ZNF782: variants seen among roughly 807,000 people sequenced by gnomAD.
The protein encoded by ZNF782 is zinc finger protein 782.
In ZNF782, 12 loss-of-function variants were observed where a neutral mutation model predicts 13.0. That is an observed-to-expected ratio of 0.92 (90% CI 0.59 to 1.50). ZNF782 has a LOEUF of 1.50. Among genes scored for constraint, ZNF782 ranks in the 40% most tolerant of loss-of-function variants. The pLI is 0.00. For synonymous variants in ZNF782, 284 were observed against 283.0 expected (o/e 1.00, Z -0.04); for missense variants, 770 against 822.9 (o/e 0.94, Z 0.79).
the ZNF782 span, among the ~76,000 whole-genome samples, chr9:96,908,240 G>A: frequency 6.6e-6 from 1 of 151,704 alleles, no homozygotes; most frequent in Non-Finnish European, 1.5e-5. Flanking sequence ...TGCAATCATG[G>A]CTCGCTGCAG....
Position 96,817,802 on chromosome 9 carries a change from G to A in ZNF782, c.*121C>T. The A allele has an allele frequency of 1.2e-6, 1 of 856,514 alleles. No individual in the cohort carries two copies. Among genetic ancestry groups the A allele is most frequent in the Non-Finnish European group, 1.7e-6 (1 of 582,592 alleles). 53.1% of individuals were successfully genotyped at this position (856,514 alleles called of 1,614,324 possible). On this transcript the variant is annotated 3_prime_UTR_variant, in exon 6 of 6. Transcript: ENST00000481138. ...TATTCTTTGATATTTGGTGGAGGCT[G>A]AAATTGTAGAGGAAATTCCAGTGCT...
intron 3 of ZNF782, among the ~76,000 whole-genome samples, chr9:96,848,838 C>T (rs946433879): frequency 2.6e-5 from 4 of 151,974 alleles, no homozygotes; most frequent in Admixed American, 6.6e-5. Context: ...AAAATTCATA[C>T]GGAATAAAAA....
chr9:96,846,934 T>C (rs534767158), intron 3 of ZNF782, among the ~76,000 whole-genome samples: 2 of 152,294 alleles, frequency 1.3e-5, no homozygotes, highest in African/African-American at 4.8e-5. Context: ...GATCATATGA[T>C]AGGCCACAAA....
intron 5 of ZNF782, among the ~76,000 whole-genome samples, chr9:96,825,158 C>G (rs1211215004): frequency 6.6e-6 from 1 of 152,044 alleles, no homozygotes; most frequent in Non-Finnish European, 1.5e-5. Flanking sequence ...TCAAACCATA[C>G]TACAAGGCTA....
At chr9:96,927,047 G>A in the ZNF782 span, among the ~76,000 whole-genome samples, 1 of 152,188 alleles carries the variant, frequency 6.6e-6, no homozygotes, top group South Asian at 2.1e-4. Flanking sequence ...CAGAACATGA[G>A]TGCTCTTTCC....
the ZNF782 span, among the ~76,000 whole-genome samples, chr9:96,912,625 T>G: frequency 1.3e-5 from 2 of 151,472 alleles, no homozygotes; most frequent in Non-Finnish European, 3.0e-5. Context: ...ACTTCCCGGG[T>G]TCAAGCGATT....
the ZNF782 span, chr9:96,933,538 T>C: frequency 2.0e-5 from 3 of 151,682 alleles, no homozygotes; most frequent in African/African-American, 7.3e-5. Flanking sequence ...GCCCGGCTAA[T>C]TTTTTTGTAT....
At chr9:96,885,813 C>CCCTT in the ZNF782 span, among the ~76,000 whole-genome samples, 5 of 151,382 alleles carry the variant, frequency 3.3e-5, no homozygotes, top group African/African-American at 4.9e-5. Context: ...TCCTTCCTTC[C>CCCTT]CCTTCCTTCC....
chr9:96,931,827 C>T, the ZNF782 span: 4 of 1,612,176 alleles, frequency 2.5e-6, no homozygotes, highest in Non-Finnish European at 3.4e-6. Context: ...ACACACAGGC[C>T]GCCCCTCGTG....
At chr9:96,855,111 T>C (rs1204094379), upstream of ZNF782, among the ~76,000 whole-genome samples, 1 of 152,238 alleles carries the variant, frequency 6.6e-6, no homozygotes, top group African/African-American at 2.4e-5. Context: ...AGCCCGGTGC[T>C]GCAGGTGTTA....
rs760483796 is a variant in ZNF782 at position 96,818,917 on chromosome 9, TTA to T, written c.1104_1105del (p.Tyr368Ter). 5.0e-6 allele frequency: 8 copies of T among 1,614,218 alleles called. No homozygotes were observed. In the South Asian group the frequency reaches 8.8e-5, roughly 18 times the overall value. ...CATAGAGCAGGATTTCCCACATTCA[TTA>T]TACTCATAGGGTTTTGCCCTTATGT... is the stretch of plus-strand genomic sequence containing the variant. On this transcript the variant is annotated stop_gained and frameshift_variant, in exon 6 of 6. Coordinates refer to ENST00000481138, the MANE Select transcript of ZNF782 (RefSeq NM_001001662.3). LOFTEE classifies it low-confidence loss of function (END_TRUNC).
intron 1 of ZNF782, among the ~76,000 whole-genome samples, chr9:96,865,061 A>C (rs549024330): frequency 6.6e-6 from 1 of 152,264 alleles, no homozygotes; most frequent in African/African-American, 2.4e-5. Context: ...ATTTAAAAAA[A>C]AAATGAGAAA....
At chr9:96,903,426 C>T in the ZNF782 span, among the ~76,000 whole-genome samples, 25 of 151,566 alleles carry the variant, frequency 1.6e-4, no homozygotes, top group Middle Eastern at 3.2e-3. Context: ...CCAAAGATTA[C>T]TTACTCATTT....
At chr9:96,908,487 A>G in the ZNF782 span, among the ~76,000 whole-genome samples, 10 of 151,992 alleles carry the variant, frequency 6.6e-5, no homozygotes, top group African/African-American at 2.4e-4. Context: ...AAAAAAATTA[A>G]TTTGAGCACA....
At chr9:96,885,150 G>GA in the ZNF782 span, among the ~76,000 whole-genome samples, 1 of 150,474 alleles carries the variant, frequency 6.6e-6, no homozygotes, top group Non-Finnish European at 1.5e-5. Context: ...ACAGAAACAA[G>GA]AAAAAAATAA....
At chr9:96,900,123 T>C in the ZNF782 span, among the ~76,000 whole-genome samples, 17 of 151,770 alleles carry the variant, frequency 1.1e-4, no homozygotes, top group South Asian at 2.1e-4. Flanking sequence ...CCAGATCAGA[T>C]TGTCCTATTT....
rs79645305 is a variant in ZNF782, at chr9:96,872,938, A to G, written c.-457+2530T>C. On this transcript the variant is annotated intron_variant, in intron 1 of 5. Transcript: ENST00000498811. ...GAACAAGGGTGTTTGAGGTTTTCAAACAGTTACACAGAAAAAAAGTGGAAG... is the reference window on the plus strand; with the variant it reads ...GAACAAGGGTGTTTGAGGTTTTCAAGCAGTTACACAGAAAAAAAGTGGAAG... Among the ~76,000 whole-genome samples, 160 of 152,344 alleles carry G rather than the reference A, an allele frequency of 1.1e-3. 1 individual carries two copies. In the East Asian group the frequency reaches 0.029, roughly 28 times the overall value.
chr9:96,833,552 T>C (rs1850878094), intron 4 of ZNF782, among the ~76,000 whole-genome samples: 1 of 152,188 alleles, frequency 6.6e-6, no homozygotes, highest in Non-Finnish European at 1.5e-5. Flanking sequence ...TGTCTACCAT[T>C]CTCATCACAT....
At position 96,818,173 on chromosome 9, in the gene ZNF782, G is replaced by A; in HGVS notation, c.1850C>T (p.Pro617Leu). The change falls in exon 6 of 6, where the codon CCC becomes CTC. Residue 617 changes from proline (P) to leucine (L), a missense_variant. Physicochemically the swap from Pro to Leu is moderately conservative, Grantham distance 98. Coordinates refer to ENST00000481138, the MANE Select transcript of ZNF782 (RefSeq NM_001001662.3). Reference sequence around the variant, plus strand: ...TTTTCCACATTCATTACATTCATAGGGCTTCTCCCCAGTGTGAGTTCTCTG... The same window carrying A: ...TTTTCCACATTCATTACATTCATAGAGCTTCTCCCCAGTGTGAGTTCTCTG... ...GHQRTHTGEK[P>L]YECNECGKAF... is the part of the protein sequence containing the mutation. 6 of 1,613,918 alleles carry A rather than the reference G, an allele frequency of 3.7e-6. No individual in the cohort carries two copies. Among genetic ancestry groups the A allele is most frequent in the Non-Finnish European group, 5.1e-6 (6 of 1,179,988 alleles).
Sources: allele counts gnomAD v4.1 joint callset (sites outside exome capture counted in the v4.1 genomes callset), GRCh38; gene constraint gnomAD v4.1.1; transcripts MANE v1.5; gene names NCBI Gene and HGNC (gene_info 2026-07-23, HGNC 2026-07-21).